CXADR: variants seen among roughly 807,000 people sequenced by gnomAD.
CXADR encodes CXADR cell adhesion molecule, also known as coxsackievirus and adenovirus receptor.
In CXADR, 20 loss-of-function variants were observed where a neutral mutation model predicts 40.3. The observed-to-expected ratio is 0.50, with a 90% CI of 0.35 to 0.72. The LOEUF (loss-of-function observed/expected upper bound fraction) is 0.72. Ranked by LOEUF, CXADR falls within the 30% of genes least tolerant of loss-of-function variation. The pLI, the probability that CXADR is intolerant of heterozygous loss-of-function variation, is 0.01. For missense variants in CXADR, 332 were observed against 449.1 expected (o/e 0.74, Z 2.36); for synonymous variants, 150 against 161.3 (o/e 0.93, Z 0.53).
At chr21:17,583,077 A>C (rs1380687294) in intron 7 of CXADR, among the ~76,000 whole-genome samples, 1 of 152,196 alleles carries the variant, frequency 6.6e-6, no homozygotes, top group Non-Finnish European at 1.5e-5. Context: ...AACATTCACC[A>C]GTCTTTTAAT....
chr21:17,597,185 A>G (rs1270019437), downstream of CXADR, among the ~76,000 whole-genome samples: 2 of 152,086 alleles, frequency 1.3e-5, no homozygotes, highest in African/African-American at 2.4e-5. Context: ...CATGAGGGAA[A>G]ATAAATGCAA....
intron 7 of CXADR, among the ~76,000 whole-genome samples, chr21:17,577,625 T>TTTC (rs995953595): frequency 4.8e-5 from 7 of 144,700 alleles, no homozygotes; most frequent in African/African-American, 1.8e-4. Flanking sequence ...TTTTTTTTTT[T>TTTC]TTTTTTTTTT....
chr21:17,617,177 A>G, the CXADR span, among the ~76,000 whole-genome samples: 2 of 152,214 alleles, frequency 1.3e-5, no homozygotes, highest in Admixed American at 6.5e-5. Context: ...ATTTATGTGA[A>G]CTAGGTTAGG....
chr21:17,545,572 GCACA>G (rs1176281912), intron 1 of CXADR, among the ~76,000 whole-genome samples: 5 of 151,164 alleles, frequency 3.3e-5, no homozygotes, highest in Non-Finnish European at 5.9e-5. Context: ...GATTACAGGT[GCACA>G]CCACCACACC....
chr21:17,538,489 A>T (rs758984508), intron 1 of CXADR, among the ~76,000 whole-genome samples: 3 of 152,136 alleles, frequency 2.0e-5, no homozygotes, highest in Non-Finnish European at 2.9e-5. Flanking sequence ...ATTGTCAGAC[A>T]TGTCAGTGAC....
At chr21:17,544,123 C>T (rs1018327905) in intron 1 of CXADR, among the ~76,000 whole-genome samples, 1 of 151,840 alleles carries the variant, frequency 6.6e-6, no homozygotes, top group Non-Finnish European at 1.5e-5. Flanking sequence ...TAAGTGATAC[C>T]GATGGTAGAA....
chr21:17,519,491 G>A (rs1056440351), intron 1 of CXADR, among the ~76,000 whole-genome samples: 4 of 152,040 alleles, frequency 2.6e-5, no homozygotes, highest in East Asian at 3.9e-4. Flanking sequence ...CTTTGACCTC[G>A]TTCTATTTTT....
chr21:17,620,181 C>A, the CXADR span, among the ~76,000 whole-genome samples: 3 of 152,236 alleles, frequency 2.0e-5, no homozygotes, highest in Non-Finnish European at 4.4e-5. Context: ...CTTTTGCCAT[C>A]CACGCTAAAC....
chr21:17,621,885 T>A, the CXADR span, among the ~76,000 whole-genome samples: 1 of 152,214 alleles, frequency 6.6e-6, no homozygotes, highest in Non-Finnish European at 1.5e-5. Flanking sequence ...CTTTACACAT[T>A]ACAAGTTGTA....
intron 2 of CXADR, among the ~76,000 whole-genome samples, chr21:17,551,105 A>T (rs747459307): frequency 1.3e-5 from 2 of 152,208 alleles, no homozygotes; most frequent in Non-Finnish European, 2.9e-5. Flanking sequence ...AATAGAGTAT[A>T]TAAGAATGAG....
At chr21:17,572,232 G>T (rs556028312), downstream of CXADR, among the ~76,000 whole-genome samples, 1 of 140,128 alleles carries the variant, frequency 7.1e-6, no homozygotes, top group Non-Finnish European at 1.5e-5. Context: ...TTAGGCAGGC[G>T]TGGTGGTGCA....
the CXADR span, among the ~76,000 whole-genome samples, chr21:17,629,652 A>G: frequency 1.4e-4 from 22 of 152,110 alleles, no homozygotes; most frequent in Non-Finnish European, 3.1e-4. Flanking sequence ...ACTCCAATAT[A>G]GGTCTTTATT....
chr21:17,576,413 C>T (rs2061322808), intron 7 of CXADR, among the ~76,000 whole-genome samples: 1 of 152,056 alleles, frequency 6.6e-6, no homozygotes, highest in Admixed American at 6.5e-5. Context: ...AGTATCTATC[C>T]CAATTTTTAT....
At chr21:17,583,007 C>T (rs115521906) in intron 7 of CXADR, among the ~76,000 whole-genome samples, 1,561 of 152,224 alleles carry the variant, frequency 0.01, 26 homozygotes, top group African/African-American at 0.036. Flanking sequence ...GAGGAGAGAA[C>T]GTGATAGAAA....
chr21:17,540,405 T>C (rs1476497391), intron 1 of CXADR, among the ~76,000 whole-genome samples: 4 of 152,138 alleles, frequency 2.6e-5, no homozygotes, highest in African/African-American at 4.8e-5. Context: ...TTTCATTCGA[T>C]GATTGTATTT....
At chr21:17,622,900 T>C in the CXADR span, among the ~76,000 whole-genome samples, 1 of 152,218 alleles carries the variant, frequency 6.6e-6, no homozygotes, top group Non-Finnish European at 1.5e-5. Context: ...ATATATTCAC[T>C]AGTCCTTCAA....
intron 3 of CXADR, among the ~76,000 whole-genome samples, chr21:17,556,444 G>T (rs116906618): frequency 0.017 from 2,529 of 150,790 alleles, 36 homozygotes; most frequent in Middle Eastern, 0.069. Context: ...TATTAGATAT[G>T]TTTAGATTGC....
At chr21:17,573,965 A>G (rs760752360), downstream of CXADR, among the ~76,000 whole-genome samples, 1 of 152,208 alleles carries the variant, frequency 6.6e-6, no homozygotes, top group Admixed American at 6.5e-5. Flanking sequence ...GACAAGATAA[A>G]ACTAGTTTTT....
intron 7 of CXADR, among the ~76,000 whole-genome samples, chr21:17,578,368 G>A (rs181422126): frequency 7.4e-4 from 112 of 152,322 alleles, no homozygotes; most frequent in African/African-American, 2.6e-3. Context: ...CTAAGTGAAA[G>A]GTGTATGGTG....
Sources: allele counts gnomAD v4.1 joint callset (sites outside exome capture counted in the v4.1 genomes callset), GRCh38; gene constraint gnomAD v4.1.1; transcripts MANE v1.5; gene names NCBI Gene and HGNC (gene_info 2026-07-23, HGNC 2026-07-21).